The following MGA variants were observed in gnomAD, a reference collection of about 807,000 sequenced individuals.
The protein encoded by MGA is MAX dimerization protein MGA, also known as MAX gene-associated protein.
A neutral mutation model predicts 261.1 loss-of-function variants in MGA; 40 were observed. The ratio of observed to expected loss-of-function variants is 0.15; its 90% CI spans 0.12 to 0.20. The LOEUF (loss-of-function observed/expected upper bound fraction) is 0.20, where lower values mean the gene tolerates loss of function less well. Among genes scored for constraint, MGA ranks in the 10% least tolerant of loss-of-function variants. MGA has a pLI of 1.00. For missense variants in MGA, 3,397 were observed against 3,630.5 expected, an observed-to-expected ratio of 0.94 and a Z score of 1.65; for synonymous variants, 1,302 against 1,290.6, an observed-to-expected ratio of 1.01 and a Z score of -0.19.
chr15:41,759,349 A>G (rs1418908028), intron 19 of MGA, among the ~76,000 whole-genome samples: 1 of 152,156 alleles, frequency 6.6e-6, no homozygotes, highest in Non-Finnish European at 1.5e-5. Flanking sequence ...GAACTAGAAG[A>G]AGCTGCTAAA....
chr15:41,711,124 C>T lies in MGA; in HGVS notation c.2859C>T (p.Asn953=), dbSNP rs777598823. 2.5e-6 allele frequency: 4 copies of T among 1,614,042 alleles called. No individual in the cohort carries two copies. In the South Asian group the frequency reaches 3.3e-5, roughly 13 times the overall value. Residue 953 remains asparagine (N), a synonymous_variant, in exon 8 of 24, where the codon AAC becomes AAT. Transcript: ENST00000219905. ...TCATCTCAGAAAATCAGGCGAATAA[C>T]TTTGTTGTGCCAACTTTGGATGAAA...
intron 1 of MGA, among the ~76,000 whole-genome samples, chr15:41,628,579 C>T (rs2056515157): frequency 6.6e-6 from 1 of 151,712 alleles, no homozygotes; most frequent in Admixed American, 6.6e-5. Flanking sequence ...GACTTTGTGT[C>T]AAAAATCAGT....
chr15:41,701,173 C>T lies in MGA; in HGVS notation c.2188+2014C>T, dbSNP rs1219194689. 2.0e-5 allele frequency among the ~76,000 whole-genome samples: 3 copies of T among 152,092 alleles called. No homozygotes were observed. In the East Asian group the frequency reaches 5.8e-4, roughly 29 times the overall value. On this transcript the variant is annotated intron_variant, in intron 5 of 23. Transcript: ENST00000219905. ...ATAATATTATCTTATTTCTCCCTAT[C>T]TTTTTTTCTCCCCTTTTCCTTTCTT... is the stretch of plus-strand genomic sequence containing the variant.
Position 41,707,757 on chromosome 15 carries a change from A to G in MGA, c.2218A>G (p.Thr740Ala), listed in dbSNP as rs780781803. The G allele has an allele frequency of 4.3e-6, 7 of 1,611,682 alleles. No individual in the cohort carries two copies. Among genetic ancestry groups the G allele is most frequent in the South Asian group, 1.1e-5 (1 of 90,318 alleles). ...CTTAAAATTGAATTCAGTGGATCCA[A>G]CAATGAGCATTGATCTTAAATACTT... Residue 740 changes from threonine (T) to alanine (A), a missense_variant, in exon 6 of 24, where the codon ACA (threonine) becomes GCA (alanine). This residue lies in a region of MGA where 19 missense variants were observed against 44.7 expected (regional missense o/e 0.43). Transcript: ENST00000219905.
intron 1 of MGA, among the ~76,000 whole-genome samples, chr15:41,664,082 T>G (rs1403439274): frequency 6.6e-6 from 1 of 152,236 alleles, no homozygotes; most frequent in East Asian, 1.9e-4. Context: ...AATTAAGTCT[T>G]TAATTCAATG....
chr15:41,728,336 C>CAAG (rs1485948334), intron 10 of MGA, among the ~76,000 whole-genome samples: 2 of 152,018 alleles, frequency 1.3e-5, no homozygotes, highest in Non-Finnish European at 2.9e-5. Context: ...ATCTCAAAAA[C>CAAG]AACAACAACA....
In MGA at chr15:41,736,245, G is replaced by A. The variant is rs199532259; in HGVS notation, c.3981G>A (p.Arg1327=). 8.9e-5 allele frequency: 144 copies of A among 1,613,730 alleles called. No homozygotes were observed. The highest frequency in any genetic ancestry group is 1.2e-4 in the Non-Finnish European group (136 of 1,179,828). Residue 1327 remains arginine, a synonymous_variant, in exon 13 of 24, where the codon AGG becomes AGA. Coordinates refer to ENST00000219905, the MANE Select transcript of MGA (RefSeq NM_001164273.2). The stretch of plus-strand genomic sequence containing the variant: ...CTTCTACTTCTTATATGCATCAGAG[G>A]TCACCTGGTGGTCCCACCAAACTGA...
At chr15:41,718,049 G>A (rs2060732888) in intron 9 of MGA, among the ~76,000 whole-genome samples, 1 of 151,062 alleles carries the variant, frequency 6.6e-6, no homozygotes, top group African/African-American at 2.4e-5. Flanking sequence ...CTAAATTATG[G>A]TGACATCATA....
chr15:41,686,428 G>A (rs2058974162), intron 2 of MGA, among the ~76,000 whole-genome samples: 1 of 152,194 alleles, frequency 6.6e-6, no homozygotes, highest in Admixed American at 6.5e-5. Context: ...CTACTTGAGA[G>A]GCTGAGGTGG....
chr15:41,755,193 G>A (rs941735165), intron 18 of MGA, among the ~76,000 whole-genome samples: 3 of 152,166 alleles, frequency 2.0e-5, no homozygotes, highest in Non-Finnish European at 4.4e-5. Context: ...GTGAGAAAGA[G>A]TAGAGAAGGA....
intron 2 of MGA, among the ~76,000 whole-genome samples, chr15:41,683,285 C>T (rs1250167417): frequency 6.6e-6 from 1 of 152,008 alleles, no homozygotes; most frequent in African/African-American, 2.4e-5. Context: ...GGGACACAAT[C>T]CATGGCTCAC....
At chr15:41,638,554 A>T (rs1010565077) in intron 1 of MGA, among the ~76,000 whole-genome samples, 4 of 151,368 alleles carry the variant, frequency 2.6e-5, no homozygotes, top group Non-Finnish European at 5.9e-5. Flanking sequence ...TTTTTTGTAG[A>T]CGGGGTCTTC....
At chr15:41,706,405 GCCTGGCTTGC>G (rs1216211396) in intron 5 of MGA, among the ~76,000 whole-genome samples, 1 of 150,678 alleles carries the variant, frequency 6.6e-6, no homozygotes, top group Non-Finnish European at 1.5e-5. Flanking sequence ...ACGCCACAGT[GCCTGGCTTGC>G]CATCTTTTGT....
intron 2 of MGA, among the ~76,000 whole-genome samples, chr15:41,677,201 G>T (rs2058431883): frequency 6.6e-6 from 1 of 152,216 alleles, no homozygotes; most frequent in South Asian, 2.1e-4. Flanking sequence ...GATTGCAGAG[G>T]TGTGATCTTG....
At chr15:41,652,791 C>T (rs2057093905) in intron 1 of MGA, among the ~76,000 whole-genome samples, 1 of 151,738 alleles carries the variant, frequency 6.6e-6, no homozygotes, top group African/African-American at 2.4e-5. Flanking sequence ...ATTCATTTTC[C>T]CCAGGGGACT....
chr15:41,730,784 A>G (rs2061467472), intron 11 of MGA, among the ~76,000 whole-genome samples: 1 of 152,204 alleles, frequency 6.6e-6, no homozygotes, highest in African/African-American at 2.4e-5. Flanking sequence ...GCTGCAACTG[A>G]TAATATTCAA....
chr15:41,764,514 A>G (rs868502090), intron 22 of MGA, among the ~76,000 whole-genome samples: 1 of 151,990 alleles, frequency 6.6e-6, no homozygotes, highest in African/African-American at 2.4e-5. Context: ...CGGCTTCCCA[A>G]AGTGCTGGGA....
chr15:41,748,976 A>G, intron 16 of MGA, 49 bp downstream of exon 16: 2 of 1,589,904 alleles, frequency 1.3e-6, no homozygotes, highest in South Asian at 1.1e-5. Context: ...TCACTTGGCC[A>G]TATGGTATGT....
chr15:41,707,222 C>A (rs2060167756), intron 5 of MGA, among the ~76,000 whole-genome samples: 1 of 152,178 alleles, frequency 6.6e-6, no homozygotes, highest in South Asian at 2.1e-4. Flanking sequence ...ATCACAGTTT[C>A]TATGTGTCAG....
Sources: gnomAD v4.1 joint callset for allele counts (sites outside exome capture counted in the v4.1 genomes callset) on GRCh38, gnomAD v4.1.1 for gene constraint, gnomAD v4.1.1 regional missense constraint, MANE v1.5 for transcripts, NCBI Gene and HGNC (gene_info 2026-07-23, HGNC 2026-07-21) for gene names.